The following LLGL2 variants were observed in gnomAD, a reference collection of about 807,000 sequenced individuals.
The protein encoded by LLGL2 is LLGL2, scribble cell polarity complex component.
Under a neutral mutation model 123.2 loss-of-function variants are expected in LLGL2, and 81 were observed. The ratio of observed to expected loss-of-function variants is 0.66; its 90% CI spans 0.55 to 0.79. The LOEUF is 0.79. Ranked by LOEUF, LLGL2 falls within the 30% of genes least tolerant of loss-of-function variation. The probability of loss-of-function intolerance (pLI) is 0.00; values close to 1 mark genes in which losing one functional copy is unlikely to be tolerated. For missense variants in LLGL2, 1,273 were observed against 1,414.6 expected, an observed-to-expected ratio of 0.90 and a Z score of 1.61; for synonymous variants, 577 against 594.1, an observed-to-expected ratio of 0.97 and a Z score of 0.42.
At chr17:75,557,526 A>C (rs1319399573) in intron 3 of LLGL2, among the ~76,000 whole-genome samples, 2 of 152,184 alleles carry the variant, frequency 1.3e-5, no homozygotes, top group Non-Finnish European at 2.9e-5. Context: ...GGCAGGGCCC[A>C]AGGGAGTTGA....
chr17:75,550,800 A>C (rs1386344286), intron 2 of LLGL2, among the ~76,000 whole-genome samples: 12 of 141,216 alleles, frequency 8.5e-5, no homozygotes, highest in Non-Finnish European at 1.3e-4. Context: ...AAAAAAAAAA[A>C]AAAACACACA....
Position 75,564,746 on chromosome 17 carries a change from C to G in LLGL2, c.1036+239C>G. 2 of 516,996 alleles carry G rather than the reference C, an allele frequency of 3.9e-6. No homozygotes were observed. Among genetic ancestry groups the G allele is most frequent in the South Asian group, 3.7e-5 (1 of 27,388 alleles). The allele number at this position is 516,996 out of a possible 1,614,324, so 32.0% of individuals were successfully genotyped here. ...AGGTGTTGTGGCACGTACCTGTAGTCCTAGCTACTCAGGAGGCTGAGGTGG... is the reference window on the plus strand; with the variant it reads ...AGGTGTTGTGGCACGTACCTGTAGTGCTAGCTACTCAGGAGGCTGAGGTGG... On this transcript the variant is annotated intron_variant, in intron 10 of 25. Coordinates refer to ENST00000392550, the MANE Select transcript of LLGL2 (RefSeq NM_001031803.2). The surrounding 1 kb of genome is among the most constrained non-coding windows in gnomAD (Gnocchi z 4.9).
At position 75,573,014 on chromosome 17, in the gene LLGL2, G is replaced by A. The variant is rs1258787501; in HGVS notation, c.2461G>A (p.Val821Met). ...ATGAACAACCACCCCACGCCCCCAG[G>A]TGTTCACGCTGCCCAAGGTGAGTGC... Reference protein sequence around the residue: ...LLVVSEEQFKVFTLPKVSAKL... With the variant: ...LLVVSEEQFKMFTLPKVSAKL... The change falls in exon 20 of 26, where the codon GTG (valine) becomes ATG (methionine). Residue 821 changes from valine to methionine, a missense_variant and splice_region_variant. By Grantham distance (21) the Val-to-Met change is conservative. Coordinates refer to ENST00000392550, the MANE Select transcript of LLGL2 (RefSeq NM_001031803.2). The A allele has an allele frequency of 6.2e-7, 1 of 1,602,264 alleles. No individual in the cohort carries two copies. The highest frequency in any genetic ancestry group is 8.5e-7 in the Non-Finnish European group (1 of 1,171,946).
rs755211863 is a variant in LLGL2 at position 75,563,049 on chromosome 17, C to T, written c.564C>T (p.Phe188=). 193 of 1,612,770 alleles carry T rather than the reference C, an allele frequency of 1.2e-4. No homozygotes were observed. The highest frequency in any genetic ancestry group is 1.6e-4 in the Non-Finnish European group (188 of 1,180,024). The change falls in exon 7 of 26, where the codon TTC becomes TTT. Residue 188 remains phenylalanine (F), a synonymous_variant. Coordinates refer to ENST00000392550, the MANE Select transcript of LLGL2 (RefSeq NM_001031803.2). The part of the protein sequence containing the change: ...LPEEARHRRV[F]EMVEALQEHP... ...AGGAGGCCCGCCACCGGCGTGTGTT[C>T]GAGATGGTGGAGGCACTGCAGGAGC...
intron 1 of LLGL2, among the ~76,000 whole-genome samples, chr17:75,530,217 C>T (rs1182359251): frequency 6.6e-6 from 1 of 152,104 alleles, no homozygotes; most frequent in Non-Finnish European, 1.5e-5. Flanking sequence ...ATTTTAAAGT[C>T]TCTGGCTGGG....
At position 75,574,663 on chromosome 17, in the gene LLGL2, G is replaced by A. The variant is rs2055892985; in HGVS notation, c.3050G>A (p.Gly1017Asp). Residue 1017 changes from glycine to aspartate, a missense_variant, in exon 25 of 26, where the codon GGC (glycine) becomes GAC (aspartate). Transcript: ENST00000392550. ...RAAVGCSLSNGGAE is the reference protein window; with the variant it reads ...RAAVGCSLSNDGAE The stretch of plus-strand genomic sequence containing the variant: ...GCCGTGGGGTGCAGCCTCAGCAATG[G>A]CGGAGGTGGGGGCTCTGGGCTTGAG... 6.2e-7 allele frequency: 1 copy of A among 1,611,378 alleles called. No homozygotes were observed. The highest frequency in any genetic ancestry group is 8.5e-7 in the Non-Finnish European group (1 of 1,179,470).
chr17:75,529,792 C>A (rs1474359577), intron 1 of LLGL2, among the ~76,000 whole-genome samples: 1 of 151,766 alleles, frequency 6.6e-6, no homozygotes, highest in Non-Finnish European at 1.5e-5. Context: ...ACCCAGGAGG[C>A]GGAGGTTGCA....
At position 75,559,226 on chromosome 17, in the gene LLGL2, C is replaced by T; in HGVS notation, c.372-26C>T. On this transcript the variant is annotated intron_variant, in intron 5 of 25. Transcript: ENST00000392550. The surrounding 1 kb of genome is among the most constrained non-coding windows in gnomAD (Gnocchi z 4.6). ...ATCTCCCCTGCTGGGCAGTGGTCGG[C>T]TCACGGGCAGCTGTTCTTGTCACAG... is the stretch of plus-strand genomic sequence containing the variant. 1.9e-6 allele frequency: 3 copies of T among 1,568,606 alleles called. No individual in the cohort carries two copies. Among genetic ancestry groups the T allele is most frequent in the Non-Finnish European group, 2.6e-6 (3 of 1,158,174 alleles).
intron 2 of LLGL2, among the ~76,000 whole-genome samples, chr17:75,552,153 T>G (rs1332844875): frequency 6.6e-6 from 1 of 151,980 alleles, no homozygotes; most frequent in Non-Finnish European, 1.5e-5. Context: ...GAAGCTGCAT[T>G]ATGAAATTAT....
intron 10 of LLGL2, among the ~76,000 whole-genome samples, chr17:75,566,335 G>A (rs2055441687): frequency 6.6e-6 from 1 of 152,222 alleles, no homozygotes; most frequent in Non-Finnish European, 1.5e-5. Flanking sequence ...GCCATGTGGG[G>A]GACACGGAGT....
Position 75,559,459 on chromosome 17 carries a change from A to C in LLGL2, c.530+49A>C, listed in dbSNP as rs777348620. The C allele has an allele frequency of 3.9e-6, 6 of 1,550,110 alleles. No individual in the cohort carries two copies. Among genetic ancestry groups the C allele is most frequent in the Middle Eastern group, 1.7e-4 (1 of 5,768 alleles). On this transcript the variant is annotated intron_variant, in intron 6 of 25. Transcript: ENST00000392550. This position sits in a 1 kb window ranked among gnomAD's most constrained non-coding sequence, Gnocchi z 4.6. ...TTAACTCCATCCCCTCAAGTTAGGCATGGCTTCTCCCCTTGGTCCCAGGAC... is the reference window on the plus strand; with the variant it reads ...TTAACTCCATCCCCTCAAGTTAGGCCTGGCTTCTCCCCTTGGTCCCAGGAC...
intron 3 of LLGL2, chr17:75,557,838 A>G (rs2054986153): frequency 2.4e-6 from 1 of 412,768 alleles, no homozygotes; most frequent in Non-Finnish European, 4.6e-6. Flanking sequence ...AGCGACAGCC[A>G]ACATGTCTTT....
intron 2 of LLGL2, among the ~76,000 whole-genome samples, chr17:75,543,762 G>A (rs943451106): frequency 6.6e-6 from 1 of 152,160 alleles, no homozygotes; most frequent in Non-Finnish European, 1.5e-5. Context: ...CCACCTCATG[G>A]AGCCTCAGTT....
At chr17:75,556,175 A>G in intron 3 of LLGL2, 32 bp downstream of exon 3, 1 of 1,558,186 alleles carries the variant, frequency 6.4e-7, no homozygotes, top group Non-Finnish European at 8.8e-7. Context: ...CCACTCGGGC[A>G]GGGCCTTGGG....
chr17:75,542,458 G>A (rs1419717535), intron 1 of LLGL2, among the ~76,000 whole-genome samples: 1 of 152,126 alleles, frequency 6.6e-6, no homozygotes, highest in Non-Finnish European at 1.5e-5. Context: ...GGGCCTTGCT[G>A]TCCTGTGGTC....
intron 14 of LLGL2, among the ~76,000 whole-genome samples, chr17:75,569,619 A>G (rs1039614688): frequency 1.1e-4 from 16 of 152,130 alleles, no homozygotes; most frequent in Admixed American, 6.5e-4. Flanking sequence ...CCTGGCCAAC[A>G]TGGTGAAACC....
In LLGL2 at chr17:75,561,154, G is replaced by A. The variant is rs186135127; in HGVS notation, c.530+1744G>A. Reference sequence around the variant, plus strand: ...GCCCCTTTTGGCAGTTTAAATTCTCGTCCTCTTGATGACACTTATCTAAGT... The same window carrying A: ...GCCCCTTTTGGCAGTTTAAATTCTCATCCTCTTGATGACACTTATCTAAGT... On this transcript the variant is annotated intron_variant, in intron 6 of 25. Transcript: ENST00000392550. Among the ~76,000 whole-genome samples, 13 of 152,166 alleles carry A rather than the reference G, an allele frequency of 8.5e-5. No homozygotes were observed. In the East Asian group the frequency reaches 2.1e-3, roughly 25 times the overall value.
chr17:75,569,923 T>C (rs1330197447), intron 14 of LLGL2, 40 bp from the exon 15 acceptor site: 2 of 1,544,398 alleles, frequency 1.3e-6, no homozygotes, highest in African/African-American at 2.7e-5. Flanking sequence ...CTGCCGTCCC[T>C]TTGCTGAGGG....
intron 1 of LLGL2, among the ~76,000 whole-genome samples, chr17:75,530,425 C>T (rs1298138155): frequency 1.3e-5 from 2 of 151,982 alleles, no homozygotes; most frequent in South Asian, 2.1e-4. Context: ...CCGAGGCAGG[C>T]GGATCACGAG....
Sources: allele counts gnomAD v4.1 joint callset (sites outside exome capture counted in the v4.1 genomes callset), GRCh38; gene constraint gnomAD v4.1.1; non-coding constraint Gnocchi (gnomAD v3.1); transcripts MANE v1.5; gene names NCBI Gene and HGNC (gene_info 2026-07-23, HGNC 2026-07-21).